Variants in CEP85L observed in about 807,000 individuals in gnomAD.
CEP85L encodes centrosomal protein of 85 kDa-like.
CEP85L carries 60 observed loss-of-function variants against 100.3 expected under a neutral mutation model. The observed-to-expected ratio is 0.60, with a 90% CI of 0.49 to 0.74. CEP85L has a LOEUF of 0.74. Among genes scored for constraint, CEP85L ranks in the 30% least tolerant of loss-of-function variants. CEP85L has a pLI of 0.00. For synonymous variants in CEP85L, 319 were observed against 322.7 expected (o/e 0.99, Z 0.12); for missense variants, 973 against 936.2 (o/e 1.04, Z -0.51).
rs1350274945 is a variant in CEP85L at position 118,462,399 on chromosome 6, C to T, written c.*3006G>A. Reference sequence around the variant, plus strand: ...CTCAAGTGAAAAGATAGCTATTGTGCCTTTGATTCAGTGAATTTTATCTGT... The same window carrying T: ...CTCAAGTGAAAAGATAGCTATTGTGTCTTTGATTCAGTGAATTTTATCTGT... On this transcript the variant is annotated 3_prime_UTR_variant, in exon 13 of 13. Coordinates refer to ENST00000368491, the MANE Select transcript of CEP85L (RefSeq NM_001042475.3). 3 of 151,896 alleles carry T rather than the reference C, an allele frequency of 2.0e-5. No homozygotes were observed. In the East Asian group the frequency reaches 5.8e-4, roughly 29 times the overall value. 9.4% of individuals were successfully genotyped at this position (151,896 alleles called of 1,614,324 possible). A position where few individuals can be genotyped will look rare whatever the true frequency, so the allele number is the denominator to read the frequency against.
intron 1 of CEP85L, among the ~76,000 whole-genome samples, chr6:118,709,570 A>C (rs983839502): frequency 1.2e-4 from 4 of 32,986 alleles, no homozygotes. Context: ...AGAGAGAGAG[A>C]GAGAGAGAGA....
chr6:118,603,799 A>C (rs1427980032), intron 2 of CEP85L, among the ~76,000 whole-genome samples: 1 of 152,258 alleles, frequency 6.6e-6, no homozygotes, highest in Non-Finnish European at 1.5e-5. Context: ...ACTTGCACTT[A>C]AGAATACCTG....
chr6:118,592,268 G>A (rs907285706), intron 2 of CEP85L, among the ~76,000 whole-genome samples: 3 of 148,700 alleles, frequency 2.0e-5, no homozygotes, highest in African/African-American at 2.5e-5. Context: ...CAGACTAAGA[G>A]AAACTCGTCT....
At chr6:118,662,310 A>C (rs1775999009) in intron 1 of CEP85L, among the ~76,000 whole-genome samples, 1 of 152,048 alleles carries the variant, frequency 6.6e-6, no homozygotes, top group Admixed American at 6.5e-5. Flanking sequence ...TGGGCAGATC[A>C]CTTGAGGTCA....
At chr6:118,586,633 G>A (rs1239791206) in intron 2 of CEP85L, among the ~76,000 whole-genome samples, 4 of 152,168 alleles carry the variant, frequency 2.6e-5, no homozygotes, top group East Asian at 1.9e-4. Flanking sequence ...CCAGAGGAAC[G>A]TCCTGAATAG....
At chr6:118,479,546 A>G (rs1283370681) in intron 10 of CEP85L, among the ~76,000 whole-genome samples, 1 of 152,058 alleles carries the variant, frequency 6.6e-6, no homozygotes, top group Non-Finnish European at 1.5e-5. Context: ...AGCCTACTTA[A>G]TTTTTTAAAA....
chr6:118,521,143 G>C (rs1425054236), intron 4 of CEP85L, among the ~76,000 whole-genome samples: 1 of 152,150 alleles, frequency 6.6e-6, no homozygotes, highest in Non-Finnish European at 1.5e-5. Flanking sequence ...AAACTAAAAA[G>C]TTCGGCAGGT....
At chr6:118,593,528 A>C (rs898056319) in intron 2 of CEP85L, among the ~76,000 whole-genome samples, 7 of 152,198 alleles carry the variant, frequency 4.6e-5, no homozygotes, top group African/African-American at 1.7e-4. Context: ...TGAGAAGTCT[A>C]TCACGAGAAC....
chr6:118,482,568 T>G (rs1773866254), intron 7 of CEP85L, among the ~76,000 whole-genome samples: 1 of 152,228 alleles, frequency 6.6e-6, no homozygotes, highest in Non-Finnish European at 1.5e-5. Context: ...TTCCACTGTA[T>G]GTATATACCA....
intron 5 of CEP85L, among the ~76,000 whole-genome samples, chr6:118,509,648 A>G (rs1272478228): frequency 6.6e-6 from 1 of 152,080 alleles, no homozygotes; most frequent in African/African-American, 2.4e-5. Context: ...TGAAGGAAAC[A>G]ATTCCACTTA....
chr6:118,500,815 TCAAA>T (rs1267246583), intron 5 of CEP85L, among the ~76,000 whole-genome samples: 15 of 152,172 alleles, frequency 9.9e-5, no homozygotes, highest in South Asian at 4.1e-4. Context: ...ATACCCTGTC[TCAAA>T]CAAACAAACA....
At chr6:118,709,245 A>G (rs550297300) in intron 1 of CEP85L, among the ~76,000 whole-genome samples, 6 of 152,190 alleles carry the variant, frequency 3.9e-5, no homozygotes, top group Non-Finnish European at 5.9e-5. Flanking sequence ...CTTTACTCCC[A>G]CATCAACAGC....
intron 3 of CEP85L, among the ~76,000 whole-genome samples, chr6:118,544,942 T>TC (rs1451554079): frequency 6.6e-6 from 1 of 152,120 alleles, no homozygotes; most frequent in Non-Finnish European, 1.5e-5. Flanking sequence ...AACCAGTCCT[T>TC]CCCTACGTAG....
At chr6:118,636,217 G>C (rs11755532) in intron 1 of CEP85L, among the ~76,000 whole-genome samples, 6,422 of 152,290 alleles carry the variant, frequency 0.042, 180 homozygotes, top group Non-Finnish European at 0.064. Context: ...TAACTGAAAA[G>C]AGTCCCTAAA....
At chr6:118,479,704 C>T (rs990909149) in intron 10 of CEP85L, among the ~76,000 whole-genome samples, 167 bp downstream of exon 10, 1 of 152,034 alleles carries the variant, frequency 6.6e-6, no homozygotes, top group African/African-American at 2.4e-5. Context: ...ATTTATCAAA[C>T]AGCAAAAACT....
intron 1 of CEP85L, among the ~76,000 whole-genome samples, chr6:118,660,863 G>A (rs1775947778): frequency 6.6e-6 from 1 of 150,880 alleles, no homozygotes. Context: ...TAATGTGAAA[G>A]GTGTCAGAAT....
At chr6:118,607,951 G>A (rs1393117799) in intron 2 of CEP85L, among the ~76,000 whole-genome samples, 2 of 152,150 alleles carry the variant, frequency 1.3e-5, no homozygotes, top group Non-Finnish European at 2.9e-5. Flanking sequence ...GACCCCAAGA[G>A]AGGGTTCCTG....
chr6:118,634,217 C>T (rs752371834), intron 1 of CEP85L, among the ~76,000 whole-genome samples: 6 of 150,262 alleles, frequency 4.0e-5, no homozygotes, highest in Non-Finnish European at 5.9e-5. Context: ...ATAAGGGTAA[C>T]AAAACAACAA....
chr6:118,474,250 C>T (rs1366061451), intron 10 of CEP85L, among the ~76,000 whole-genome samples: 2 of 152,150 alleles, frequency 1.3e-5, no homozygotes, highest in African/African-American at 2.4e-5. Flanking sequence ...CTCTGCTTCA[C>T]GAAAGGATTC....
Sources: allele counts gnomAD v4.1 joint callset (sites outside exome capture counted in the v4.1 genomes callset), GRCh38; gene constraint gnomAD v4.1.1; transcripts MANE v1.5; gene names NCBI Gene and HGNC (gene_info 2026-07-23, HGNC 2026-07-21).